The following PRKCH variants were observed in gnomAD, a reference collection of about 807,000 sequenced individuals.
The protein encoded by PRKCH is protein kinase C eta type.
Under a neutral mutation model 82.5 loss-of-function variants are expected in PRKCH, and 28 were observed. The observed-to-expected ratio is 0.34, with a 90% confidence interval of 0.25 to 0.47. The LOEUF (loss-of-function observed/expected upper bound fraction) is 0.47, where lower values mean the gene tolerates loss of function less well. Ranked by LOEUF, PRKCH falls within the 20% of genes least tolerant of loss-of-function variation. The pLI is 1.00. For synonymous variants in PRKCH, 322 were observed against 327.4 expected, an observed-to-expected ratio of 0.98 and a Z score of 0.18; for missense variants, 705 against 881.8, an observed-to-expected ratio of 0.80 and a Z score of 2.54.
At chr14:61,528,970 G>T in intron 10 of PRKCH, 105 bp from the exon 11 acceptor site, 3 of 1,112,120 alleles carry the variant, frequency 2.7e-6, no homozygotes, top group Admixed American at 3.0e-5. Flanking sequence ...GCATGTGGCC[G>T]CACGTGTGTG....
intron 1 of PRKCH, chr14:61,303,532 A>C (rs1472762373): frequency 6.6e-6 from 1 of 152,118 alleles, no homozygotes; most frequent in Non-Finnish European, 1.5e-5. Context: ...TGCTTGGTCT[A>C]TGTTTTCCCT....
intron 2 of PRKCH, among the ~76,000 whole-genome samples, chr14:61,425,294 C>T (rs984918903): frequency 2.6e-5 from 4 of 152,174 alleles, no homozygotes; most frequent in Admixed American, 2.0e-4. Flanking sequence ...CACTCAACAC[C>T]AGCCTATGAA....
At chr14:61,516,089 G>A (rs2042824545) in intron 10 of PRKCH, among the ~76,000 whole-genome samples, 1 of 152,128 alleles carries the variant, frequency 6.6e-6, no homozygotes, top group Non-Finnish European at 1.5e-5. Context: ...TGTGCCCGTA[G>A]CCTCACAATA....
intron 1 of PRKCH, among the ~76,000 whole-genome samples, chr14:61,268,781 A>C (rs1416887473): frequency 1.3e-5 from 2 of 152,198 alleles, no homozygotes; most frequent in African/African-American, 4.8e-5. Context: ...CTGTTCCAGT[A>C]CAAGCAATTC....
chr14:61,252,645 G>T (rs1475818152), intron 1 of PRKCH, among the ~76,000 whole-genome samples: 1 of 152,172 alleles, frequency 6.6e-6, no homozygotes, highest in African/African-American at 2.4e-5. Flanking sequence ...ACACAGAAAG[G>T]AGACACAGTG....
chr14:61,421,941 G>A (rs192001806), intron 2 of PRKCH, among the ~76,000 whole-genome samples: 1 of 152,280 alleles, frequency 6.6e-6, no homozygotes, highest in East Asian at 1.9e-4. Flanking sequence ...GGAGAGGAGA[G>A]GAAGAAAGAG....
chr14:61,325,301 T>C (rs186086835), intron 1 of PRKCH, among the ~76,000 whole-genome samples: 35 of 152,202 alleles, frequency 2.3e-4, no homozygotes, highest in Non-Finnish European at 1.5e-5. Context: ...GAAGAGAGTC[T>C]AGGAATAGAT....
At chr14:61,234,039 G>T (rs1172482486) in intron 1 of PRKCH, among the ~76,000 whole-genome samples, 1 of 152,144 alleles carries the variant, frequency 6.6e-6, no homozygotes, top group Non-Finnish European at 1.5e-5. Context: ...TGTAGCACTG[G>T]CCTAGCAAAT....
chr14:61,359,957 CACAG>C (rs2046201311), intron 1 of PRKCH, among the ~76,000 whole-genome samples: 1 of 152,160 alleles, frequency 6.6e-6, no homozygotes. Context: ...GCCACCTTAC[CACAG>C]ACAGAGTTTT....
At chr14:61,457,742 A>G in intron 9 of PRKCH, 63 bp downstream of exon 9, 2 of 1,566,130 alleles carry the variant, frequency 1.3e-6, no homozygotes, top group East Asian at 2.3e-5. Flanking sequence ...AGACAGTAAG[A>G]TACTGGAGAT....
chr14:61,243,084 GA>G (rs11342939), intron 1 of PRKCH, among the ~76,000 whole-genome samples: 142,073 of 151,676 alleles, frequency 0.94, 67,179 homozygotes, highest in Non-Finnish European at 1. Context: ...GAAGGCTTCT[GA>G]AAAAAAAAAA....
At chr14:61,505,757 A>G (rs917880573) in intron 10 of PRKCH, among the ~76,000 whole-genome samples, 3 of 152,086 alleles carry the variant, frequency 2.0e-5, no homozygotes, top group Non-Finnish European at 4.4e-5. Flanking sequence ...ACCCACTTCC[A>G]AATACAGTCA....
chr14:61,313,563 C>T (rs1166790854), intron 1 of PRKCH, among the ~76,000 whole-genome samples: 1 of 152,138 alleles, frequency 6.6e-6, no homozygotes, highest in Non-Finnish European at 1.5e-5. Flanking sequence ...GACTCAACCA[C>T]TCTGTATTAG....
intron 10 of PRKCH, among the ~76,000 whole-genome samples, chr14:61,497,622 C>A (rs924285143): frequency 1.3e-5 from 2 of 152,140 alleles, no homozygotes; most frequent in African/African-American, 4.8e-5. Flanking sequence ...GTTTTTAGTG[C>A]CCCTTTCAGT....
chr14:61,355,531 G>A (rs1028217666), intron 1 of PRKCH, among the ~76,000 whole-genome samples: 4 of 151,756 alleles, frequency 2.6e-5, no homozygotes, highest in Non-Finnish European at 5.9e-5. Flanking sequence ...TCAAATGGAG[G>A]ATTTTTTTTT....
intron 1 of PRKCH, among the ~76,000 whole-genome samples, chr14:61,271,129 A>C (rs1369912879): frequency 1.3e-5 from 2 of 152,218 alleles, no homozygotes; most frequent in African/African-American, 4.8e-5. Context: ...AATAATAGCA[A>C]GATGGACACT....
chr14:61,213,093 C>T (rs2140047463), intron 1 of PRKCH, among the ~76,000 whole-genome samples: 1 of 152,176 alleles, frequency 6.6e-6, no homozygotes, highest in South Asian at 2.1e-4. Context: ...GGAGGAGGGC[C>T]CTTGTCTCTT....
intron 1 of PRKCH, among the ~76,000 whole-genome samples, chr14:61,215,220 C>T (rs1440140646): frequency 6.6e-6 from 1 of 152,134 alleles, no homozygotes; most frequent in Non-Finnish European, 1.5e-5. Flanking sequence ...ATGTGAGGAA[C>T]ATTCACAACC....
At chr14:61,241,125 T>C (rs1182478312) in intron 1 of PRKCH, among the ~76,000 whole-genome samples, 1 of 152,194 alleles carries the variant, frequency 6.6e-6, no homozygotes. Flanking sequence ...TTTGCCAAAG[T>C]GGCTCACAGA....
Sources: allele counts gnomAD v4.1 joint callset (sites outside exome capture counted in the v4.1 genomes callset), GRCh38; gene constraint gnomAD v4.1.1; transcripts MANE v1.5; gene names NCBI Gene and HGNC (gene_info 2026-07-23, HGNC 2026-07-21).